Variants in RPGR observed in about 807,000 individuals in gnomAD.
The protein encoded by RPGR is retinitis pigmentosa GTPase regulator, also known as X-linked retinitis pigmentosa GTPase regulator.
RPGR carries 10 observed loss-of-function variants against 56.3 expected under a neutral mutation model. That is an observed-to-expected ratio of 0.18 (90% CI 0.11 to 0.30). RPGR has a LOEUF of 0.30. RPGR is among the 10% of genes least tolerant of loss of function. RPGR has a pLI of 1.00. For synonymous variants in RPGR, 197 were observed against 212.9 expected, an observed-to-expected ratio of 0.93 and a Z score of 0.65; for missense variants, 538 against 590.9, an observed-to-expected ratio of 0.91 and a Z score of 0.93.
At chrX:38,276,068 T>G (rs1376666262) in intron 16 of RPGR, among the ~76,000 whole-genome samples, 1 of 111,936 alleles carries the variant, frequency 8.9e-6, no homozygotes, top group Non-Finnish European at 1.9e-5. Context: ...TTCAGGGTGA[T>G]TTTTGCTTCC....
rs889565317 is a variant in RPGR at position 38,269,514 on chromosome X, TAA to T, written c.*110_*111del. 9.5e-6 allele frequency: 5 copies of T among 525,425 alleles called. No individual in the cohort carries two copies. The highest frequency in any genetic ancestry group is 3.3e-5 in the Admixed American group (1 of 30,177). 43.3% of individuals were successfully genotyped at this position (525,425 alleles called of 1,213,427 possible). A position where few individuals can be genotyped will look rare whatever the true frequency, so the allele number is the denominator to read the frequency against. On this transcript the variant is annotated 3_prime_UTR_variant, in exon 19 of 19. Coordinates refer to ENST00000642395, the MANE Select transcript of RPGR (RefSeq NM_000328.3). Reference sequence around the variant, plus strand: ...CTTATAGAAGCTGAATAAAACATATTAAGTCTTATATCTTTTAAAGACTACTA... The same window carrying T: ...CTTATAGAAGCTGAATAAAACATATTGTCTTATATCTTTTAAAGACTACTA...
chrX:38,300,389 A>G (rs984663632), intron 9 of RPGR, among the ~76,000 whole-genome samples: 1 of 112,070 alleles, frequency 8.9e-6, no homozygotes, highest in Non-Finnish European at 1.9e-5. Flanking sequence ...TATTATCATC[A>G]AGTAAATAGA....
chrX:38,284,775 A>G (rs1433933403), intron 15 of RPGR: 1 of 700,906 alleles, frequency 1.4e-6, no homozygotes, highest in Non-Finnish European at 1.7e-6. Context: ...ACATCATCTC[A>G]TCCACTCCAT....
chrX:38,311,344 T>G (rs1452206948), intron 6 of RPGR, among the ~76,000 whole-genome samples: 1 of 112,417 alleles, frequency 8.9e-6, no homozygotes, highest in Non-Finnish European at 1.9e-5. Context: ...ATTTGCTTCT[T>G]TATTACATTT....
chrX:38,306,945 T>C (rs1175381819), intron 7 of RPGR, among the ~76,000 whole-genome samples: 1 of 112,866 alleles, frequency 8.9e-6, no homozygotes, highest in Non-Finnish European at 1.9e-5. Context: ...ATCACCTTTG[T>C]GACATTTAAC....
intron 17 of RPGR, chrX:38,275,057 G>T: frequency 9.2e-7 from 1 of 1,084,794 alleles, no homozygotes; most frequent in Non-Finnish European, 1.3e-6. Context: ...ATGTATGTAT[G>T]TATATATGTA....
intron 18 of RPGR, among the ~76,000 whole-genome samples, chrX:38,270,254 T>C (rs2147154266): frequency 9.1e-6 from 1 of 110,365 alleles, no homozygotes; most frequent in South Asian, 3.9e-4. Context: ...TGAATTTCTA[T>C]TGTAATATTC....
At chrX:38,310,509 G>A in intron 7 of RPGR, 106 bp downstream of exon 7, 1 of 744,735 alleles carries the variant, frequency 1.3e-6, no homozygotes, top group Admixed American at 3.0e-5. Flanking sequence ...AGTTCTCATA[G>A]TATTCTTACC....
intron 7 of RPGR, among the ~76,000 whole-genome samples, chrX:38,309,156 G>A (rs1439399352): frequency 8.9e-6 from 1 of 111,952 alleles, no homozygotes; most frequent in Non-Finnish European, 1.9e-5. Context: ...ATATTAGCAA[G>A]TAGTGAGTAT....
Position 38,275,086 on chromosome X carries a change from T to A in RPGR, c.2149+3A>T. The A allele has an allele frequency of 8.3e-7, 1 of 1,205,400 alleles. No individual in the cohort carries two copies. The highest frequency in any genetic ancestry group is 1.1e-6 in the Non-Finnish European group (1 of 889,687). ...ATATGTATGTTATCAAATGTGCTCA[T>A]ACCTTTTGGGTTTTCATTGTACTCA... On this transcript the variant is annotated splice_donor_region_variant and intron_variant, in intron 17 of 18. Coordinates refer to ENST00000642395, the MANE Select transcript of RPGR (RefSeq NM_000328.3).
chrX:38,305,024 T>A (rs924827082), intron 7 of RPGR, among the ~76,000 whole-genome samples: 3 of 112,293 alleles, frequency 2.7e-5, no homozygotes, highest in African/African-American at 9.7e-5. Context: ...ATTTTATCTT[T>A]TATACATAAC....
intron 13 of RPGR, among the ~76,000 whole-genome samples, chrX:38,289,622 C>T (rs73192542): frequency 0.047 from 5,227 of 112,140 alleles, 121 homozygotes; most frequent in Non-Finnish European, 0.069. Flanking sequence ...ATTATTAAAA[C>T]ATGACAAGTT....
chrX:38,286,440 TTCCTCCTCTTCCCCCTCCCCTTCC>T lies in RPGR; in HGVS notation c.1905+630_1905+653del, dbSNP rs760332126. 199 of 689,456 alleles carry T rather than the reference TTCCTCCTCTTCCCCCTCCCCTTCC, an allele frequency of 2.9e-4. 4 individuals are homozygous for T. In the African/African-American group the frequency reaches 9.3e-3, roughly 32 times the overall value. The allele number at this position is 689,456 out of a possible 1,213,427, so 56.8% of individuals were successfully genotyped here. On this transcript the variant is annotated intron_variant, in intron 15 of 18. Transcript: ENST00000642395. ...CTTCTTCCTCCCCTTTCCCTTCTCC[TTCCTCCTCTTCCCCCTCCCCTTCC>T]TCCTCTTCCCCCTCCCCTTCCTCCT...
chrX:38,305,096 TC>T (rs1449244763), intron 7 of RPGR, among the ~76,000 whole-genome samples: 1 of 111,485 alleles, frequency 9.0e-6, no homozygotes, highest in Non-Finnish European at 1.9e-5. Context: ...ACCTGAAATG[TC>T]CCCATAATTA....
chrX:38,298,864 C>A, intron 10 of RPGR, 92 bp downstream of exon 10: 6 of 951,952 alleles, frequency 6.3e-6, no homozygotes, highest in South Asian at 2.1e-5. Context: ...TCTGAGAAGA[C>A]CCTTTGATTT....
intron 15 of RPGR, chrX:38,285,970 TCCC>T (rs1569235565): frequency 1.1e-6 from 1 of 908,418 alleles, no homozygotes; most frequent in Admixed American, 3.6e-5. Context: ...CCCTTCTCCC[TCCC>T]CTTCTTCCTC....
intron 7 of RPGR, chrX:38,308,164 G>A (rs1398828736): frequency 9.0e-6 from 1 of 111,463 alleles, no homozygotes; most frequent in Non-Finnish European, 1.9e-5. Flanking sequence ...GGAAATGCAA[G>A]GACACTTCTT....
chrX:38,299,754 T>C (rs887453446), intron 9 of RPGR, among the ~76,000 whole-genome samples: 39 of 109,610 alleles, frequency 3.6e-4, no homozygotes, highest in Admixed American at 1.9e-4. Context: ...AAAAAACCCA[T>C]AGTGCAGTAT....
At chrX:38,325,606 ATAGT>A (rs747922943) in intron 1 of RPGR, among the ~76,000 whole-genome samples, 85 of 111,996 alleles carry the variant, frequency 7.6e-4, no homozygotes, top group Non-Finnish European at 1.2e-3. Context: ...CTCATGCACT[ATAGT>A]TAGTTATAGA....
Sources: allele counts gnomAD v4.1 joint callset (sites outside exome capture counted in the v4.1 genomes callset), GRCh38; gene constraint gnomAD v4.1.1; transcripts MANE v1.5; gene names NCBI Gene and HGNC (gene_info 2026-07-23, HGNC 2026-07-21).